Variants in GPR160 observed in about 807,000 individuals in gnomAD.
GPR160 encodes G protein-coupled receptor 160.
GPR160 carries 2 observed loss-of-function variants against 2.6 expected under a neutral mutation model. The observed-to-expected ratio is 0.77, with a 90% CI of 0.32 to 2.44. GPR160 has a LOEUF of 2.44. GPR160 is among the 30% of genes most tolerant of loss of function. The probability of loss-of-function intolerance (pLI) is 0.11; values close to 1 mark genes in which losing one functional copy is unlikely to be tolerated. For synonymous variants in GPR160, 130 were observed against 132.2 expected (o/e 0.98, Z 0.12); for missense variants, 351 against 383.6 (o/e 0.91, Z 0.71).
At position 170,084,493 on chromosome 3, in the gene GPR160, G is replaced by T. The variant is rs751499363; in HGVS notation, c.521G>T (p.Cys174Phe). 8.7e-6 allele frequency: 14 copies of T among 1,613,458 alleles called. No homozygotes were observed. The South Asian group carries it at 1.1e-4, about 13-fold the overall frequency. Residue 174 changes from cysteine (C) to phenylalanine (F), a missense_variant, in exon 4 of 4, where the codon TGT becomes TTT. Physicochemically the swap from Cys to Phe is radical, Grantham distance 205 (BLOSUM62 -2). Coordinates refer to ENST00000355897, the MANE Select transcript of GPR160 (RefSeq NM_014373.3). Reference protein sequence around the residue: ...LKAQNAYSRHCPFYVSIQSYW... With the variant: ...LKAQNAYSRHFPFYVSIQSYW... ...GCACAGAATGCTTATTCTCGTCACT[G>T]TCCTTTCTATGTCAGCATTCAGAGT...
At chr3:170,059,514 T>C (rs1380994762) in intron 2 of GPR160, among the ~76,000 whole-genome samples, 3 of 152,222 alleles carry the variant, frequency 2.0e-5, no homozygotes, top group Admixed American at 6.5e-5. Context: ...TTTGAACAAA[T>C]GAATCAATAT....
intron 2 of GPR160, among the ~76,000 whole-genome samples, chr3:170,044,432 G>A (rs982558123): frequency 2.6e-5 from 4 of 151,782 alleles, no homozygotes; most frequent in Non-Finnish European, 4.4e-5. Context: ...AATACAAGCC[G>A]CGTTGTCATT....
intron 2 of GPR160, among the ~76,000 whole-genome samples, chr3:170,069,889 G>A (rs1425978498): frequency 6.6e-6 from 1 of 152,102 alleles, no homozygotes; most frequent in Non-Finnish European, 1.5e-5. Context: ...TGAGATCGAG[G>A]TGTCCCAGGG....
At chr3:170,081,276 T>C (rs1480631478) in intron 3 of GPR160, among the ~76,000 whole-genome samples, 1 of 151,232 alleles carries the variant, frequency 6.6e-6, no homozygotes, top group Non-Finnish European at 1.5e-5. Flanking sequence ...ATGGCATTTG[T>C]CAAGTTGGCA....
intron 2 of GPR160, among the ~76,000 whole-genome samples, chr3:170,041,383 G>A (rs1204586414): frequency 4.1e-5 from 6 of 146,024 alleles, no homozygotes; most frequent in South Asian, 2.1e-4. Context: ...CTCACTGCAA[G>A]CTCCACCTCC....
chr3:170,045,768 G>A (rs1045136412), intron 2 of GPR160, among the ~76,000 whole-genome samples: 7 of 152,142 alleles, frequency 4.6e-5, no homozygotes, highest in Admixed American at 4.6e-4. Context: ...GGAAGAGTGG[G>A]TTAATTGGTT....
chr3:170,084,807 T>C lies in GPR160; in HGVS notation c.835T>C (p.Trp279Arg). ...IPAYIEMNIP[W>R]LYFVNSFLIA... ...AGCATATATTGAGATGAATATTCCC[T>C]GGTTATACTTTGTCAATAGTTTTCT... Residue 279 changes from tryptophan (W) to arginine (R), a missense_variant, in exon 4 of 4, where the codon TGG becomes CGG. By Grantham distance (101) the Trp-to-Arg change is moderately radical. Coordinates refer to ENST00000355897, the MANE Select transcript of GPR160 (RefSeq NM_014373.3). The C allele has an allele frequency of 1.2e-6, 2 of 1,607,550 alleles. No homozygotes were observed. Among genetic ancestry groups the C allele is most frequent in the Non-Finnish European group, 1.7e-6 (2 of 1,174,632 alleles).
intron 2 of GPR160, among the ~76,000 whole-genome samples, chr3:170,053,089 C>T (rs975188801): frequency 2.6e-5 from 4 of 152,040 alleles, no homozygotes; most frequent in African/African-American, 9.7e-5. Context: ...TAGTGTAAGT[C>T]GTCCAACTTT....
At chr3:170,045,444 A>AAAAAAAAAAAAAC (rs1559981285) in intron 2 of GPR160, among the ~76,000 whole-genome samples, 2 of 127,952 alleles carry the variant, frequency 1.6e-5, no homozygotes, top group Non-Finnish European at 3.2e-5. Context: ...AAAAAAAAAA[A>AAAAAAAAAAAAAC]AAACCAATTA....
At chr3:170,058,059 A>G (rs1711731467) in intron 2 of GPR160, 1 of 152,244 alleles carries the variant, frequency 6.6e-6, no homozygotes. Flanking sequence ...TCTTACGATG[A>G]ATGAAGTCTT....
chr3:170,057,086 T>C (rs577164606), intron 2 of GPR160, among the ~76,000 whole-genome samples: 2 of 152,348 alleles, frequency 1.3e-5, no homozygotes, highest in South Asian at 4.1e-4. Context: ...ATTTAAGTGA[T>C]GACATCTGGT....
intron 2 of GPR160, among the ~76,000 whole-genome samples, chr3:170,068,180 C>T (rs973689236): frequency 3.3e-5 from 5 of 152,204 alleles, no homozygotes; most frequent in Non-Finnish European, 5.9e-5. Context: ...GAGTCTTGCT[C>T]TGTCACCCAG....
chr3:170,078,743 G>A (rs1173938369), intron 2 of GPR160, among the ~76,000 whole-genome samples: 1 of 152,170 alleles, frequency 6.6e-6, no homozygotes, highest in Non-Finnish European at 1.5e-5. Context: ...GCCAGAACAC[G>A]AGCTGTAACT....
intron 2 of GPR160, among the ~76,000 whole-genome samples, chr3:170,050,158 T>C (rs1262247256): frequency 3.4e-5 from 5 of 146,520 alleles, no homozygotes; most frequent in African/African-American, 5.1e-5. Context: ...CTCCCAGGTT[T>C]AAGTGATTCT....
Position 170,038,630 on chromosome 3 carries a change from A to G in GPR160, c.-321-285A>G, listed in dbSNP as rs1291101195. ...AACTCTTCGCTCTTTCCTGGCGCCCAGAGGTGAATAGTCTCACACACACGC... is the reference window on the plus strand; with the variant it reads ...AACTCTTCGCTCTTTCCTGGCGCCCGGAGGTGAATAGTCTCACACACACGC... On this transcript the variant is annotated intron_variant, in intron 1 of 3. Coordinates refer to ENST00000355897, the MANE Select transcript of GPR160 (RefSeq NM_014373.3). The surrounding 1 kb of genome is among the most constrained non-coding windows in gnomAD (Gnocchi z 5.3). Among the ~76,000 whole-genome samples, 1 of 151,940 alleles carries G rather than the reference A, an allele frequency of 6.6e-6. No homozygotes were observed. Among genetic ancestry groups the G allele is most frequent in the Admixed American group, 6.5e-5 (1 of 15,282 alleles).
chr3:170,085,016 C>A lies in GPR160; in HGVS notation c.*27C>A. ...ATTATTAATTAAAAGTTACAGCTGT[C>A]ATAAGATCATAATTTTATGAACAGA... On this transcript the variant is annotated 3_prime_UTR_variant, in exon 4 of 4. Coordinates refer to ENST00000355897, the MANE Select transcript of GPR160 (RefSeq NM_014373.3). 2.5e-6 allele frequency: 3 copies of A among 1,181,256 alleles called. No individual in the cohort carries two copies. The highest frequency in any genetic ancestry group is 3.4e-5 in the South Asian group (2 of 58,624). 73.2% of individuals were successfully genotyped at this position (1,181,256 alleles called of 1,614,324 possible). A position where few individuals can be genotyped will look rare whatever the true frequency, so the allele number is the denominator to read the frequency against.
Position 170,084,932 on chromosome 3 carries a change from AC to A in GPR160, c.961del (p.Thr322GlnfsTer14), listed in dbSNP as rs1458795120. ...FVNWKCCFIP[L>X]TIPNLEQIEK... ...TCAACTGGAAGTGCTGCTTCATTCC[AC>A]TTACAATTCCTAATCTTGAGCAAAT... is the stretch of plus-strand genomic sequence containing the variant. On this transcript the variant is annotated frameshift_variant, in exon 4 of 4. Transcript: ENST00000355897. LOFTEE classifies it high-confidence loss of function. 1 of 1,599,338 alleles carries A rather than the reference AC, an allele frequency of 6.3e-7. No individual in the cohort carries two copies. Among genetic ancestry groups the A allele is most frequent in the East Asian group, 2.2e-5 (1 of 44,704 alleles).
intron 2 of GPR160, among the ~76,000 whole-genome samples, chr3:170,051,328 T>G (rs1374530238): frequency 1.3e-5 from 2 of 152,338 alleles, no homozygotes; most frequent in African/African-American, 2.4e-5. Context: ...ACACGTCTAG[T>G]TACATCTTTT....
intron 2 of GPR160, among the ~76,000 whole-genome samples, chr3:170,067,396 A>G (rs976206930): frequency 6.8e-6 from 1 of 147,512 alleles, no homozygotes; most frequent in Non-Finnish European, 1.5e-5. Context: ...TCCTTTGTTC[A>G]TTTTACTATT....
Sources: allele counts gnomAD v4.1 joint callset (sites outside exome capture counted in the v4.1 genomes callset), GRCh38; gene constraint gnomAD v4.1.1; non-coding constraint Gnocchi (gnomAD v3.1); transcripts MANE v1.5; gene names NCBI Gene and HGNC (gene_info 2026-07-23, HGNC 2026-07-21).